RNF121: variants seen among roughly 807,000 people sequenced by gnomAD.
The protein encoded by RNF121 is E3 ubiquitin ligase RNF121.
RNF121 carries 21 observed loss-of-function variants against 46.5 expected under a neutral mutation model. The observed-to-expected ratio is 0.45, with a 90% CI of 0.32 to 0.65. The LOEUF is 0.65. Ranked by LOEUF, RNF121 falls within the 30% of genes least tolerant of loss-of-function variation. RNF121 has a pLI of 0.04. For synonymous variants in RNF121, 139 were observed against 144.7 expected, an observed-to-expected ratio of 0.96 and a Z score of 0.28; for missense variants, 346 against 416.0, an observed-to-expected ratio of 0.83 and a Z score of 1.46.
intron 6 of RNF121, among the ~76,000 whole-genome samples, chr11:71,992,236 A>G (rs1011941445): frequency 6.6e-6 from 1 of 152,182 alleles, no homozygotes; most frequent in East Asian, 1.9e-4. Context: ...GCTCCTTACA[A>G]TTTTTACTTT....
intron 4 of RNF121, chr11:71,983,638 AG>A (rs1954707987): frequency 6.6e-6 from 1 of 152,256 alleles, no homozygotes; most frequent in African/African-American, 2.4e-5. Context: ...CATTCAAATA[AG>A]CACCTACTGT....
At chr11:71,935,804 G>A (rs2134145172) in intron 1 of RNF121, among the ~76,000 whole-genome samples, 1 of 150,358 alleles carries the variant, frequency 6.7e-6, no homozygotes, top group South Asian at 2.1e-4. Context: ...GTAAATACTA[G>A]TGAATGACTG....
At chr11:71,950,155 C>G (rs966832398) in intron 1 of RNF121, among the ~76,000 whole-genome samples, 1 of 152,188 alleles carries the variant, frequency 6.6e-6, no homozygotes, top group African/African-American at 2.4e-5. Context: ...CTAGGTTGCT[C>G]AGCCAAAGAG....
At chr11:71,980,759 A>G (rs539801067) in intron 3 of RNF121, among the ~76,000 whole-genome samples, 130 of 152,368 alleles carry the variant, frequency 8.5e-4, no homozygotes, top group Non-Finnish European at 1.3e-3. Flanking sequence ...CATCAGTCCC[A>G]TGTGGCTGCT....
chr11:71,966,888 G>A (rs531680679), intron 3 of RNF121, among the ~76,000 whole-genome samples: 3 of 145,890 alleles, frequency 2.1e-5, no homozygotes, highest in South Asian at 2.2e-4. Context: ...TTTTTGAGAC[G>A]GAATCTCACT....
chr11:71,952,914 T>C (rs1953917308), intron 1 of RNF121, among the ~76,000 whole-genome samples: 2 of 152,248 alleles, frequency 1.3e-5, no homozygotes, highest in Non-Finnish European at 1.5e-5. Context: ...ATTTGAAAAT[T>C]CACTCTCAGC....
intron 1 of RNF121, among the ~76,000 whole-genome samples, chr11:71,934,242 T>A (rs1377823635): frequency 6.6e-6 from 1 of 152,266 alleles, no homozygotes; most frequent in Non-Finnish European, 1.5e-5. Context: ...TGCCAGGCAC[T>A]TTGGTGTGCC....
intron 3 of RNF121, among the ~76,000 whole-genome samples, 173 bp downstream of exon 3, chr11:71,961,064 T>C (rs1161447882): frequency 1.3e-5 from 2 of 152,178 alleles, no homozygotes; most frequent in African/African-American, 4.8e-5. Flanking sequence ...AAGGGTCAGG[T>C]GATTCAGAGG....
rs200780950 is a variant in RNF121, at chr11:71,978,558, A to G, written c.244-4203A>G. ...CTCCTTTGTATGTGTGACTTAATGC[A>G]TTTTTAATCATGCAAAAGCCATAAT... is the stretch of plus-strand genomic sequence containing the variant. On this transcript the variant is annotated intron_variant, in intron 3 of 8. Transcript: ENST00000361756. 5.3e-5 allele frequency among the ~76,000 whole-genome samples: 8 copies of G among 152,326 alleles called. No individual in the cohort carries two copies. In the East Asian group the frequency reaches 1.3e-3, roughly 26 times the overall value.
At chr11:71,957,116 A>G in intron 1 of RNF121, 111 bp from the exon 2 acceptor site, 1 of 800,748 alleles carries the variant, frequency 1.2e-6, no homozygotes, top group Non-Finnish European at 2.3e-6. Flanking sequence ...AGATACTAAG[A>G]CTTGAAGCTT....
intron 1 of RNF121, among the ~76,000 whole-genome samples, chr11:71,945,379 C>T (rs1057390990): frequency 2.6e-5 from 4 of 152,142 alleles, no homozygotes; most frequent in Admixed American, 6.5e-5. Context: ...ACTTAGTAGC[C>T]GTTGGCTGTA....
At chr11:71,987,443 G>C (rs559627650) in intron 5 of RNF121, among the ~76,000 whole-genome samples, 2 of 152,064 alleles carry the variant, frequency 1.3e-5, no homozygotes, top group African/African-American at 4.8e-5. Flanking sequence ...TGTTTTTCTC[G>C]TCAGTGTGTA....
At chr11:71,971,258 C>T (rs1954414750) in intron 3 of RNF121, among the ~76,000 whole-genome samples, 2 of 152,040 alleles carry the variant, frequency 1.3e-5, no homozygotes, top group Non-Finnish European at 2.9e-5. Flanking sequence ...ATGGTGCATG[C>T]CTGTAGTCCC....
At chr11:71,978,414 T>G (rs780997113) in intron 3 of RNF121, among the ~76,000 whole-genome samples, 2 of 152,136 alleles carry the variant, frequency 1.3e-5, no homozygotes, top group Non-Finnish European at 2.9e-5. Flanking sequence ...AATCCTTGGT[T>G]TGTGTCTTCT....
chr11:71,962,936 G>A (rs1441908400), intron 3 of RNF121, among the ~76,000 whole-genome samples: 2 of 152,066 alleles, frequency 1.3e-5, no homozygotes, highest in Admixed American at 1.3e-4. Flanking sequence ...TCATTGTGGT[G>A]TTGATTTGTA....
At chr11:71,980,297 C>G (rs769946355) in intron 3 of RNF121, among the ~76,000 whole-genome samples, 1 of 152,184 alleles carries the variant, frequency 6.6e-6, no homozygotes, top group Non-Finnish European at 1.5e-5. Flanking sequence ...TTACCCTTTT[C>G]TCTGTTCTGT....
chr11:71,971,987 A>C (rs541101109), intron 3 of RNF121, among the ~76,000 whole-genome samples: 1 of 152,198 alleles, frequency 6.6e-6, no homozygotes, highest in Non-Finnish European at 1.5e-5. Context: ...CTGGATATCT[A>C]TCTCTGAGGG....
At chr11:71,966,337 C>T (rs139860641) in intron 3 of RNF121, among the ~76,000 whole-genome samples, 5 of 152,190 alleles carry the variant, frequency 3.3e-5, no homozygotes, top group East Asian at 3.9e-4. Flanking sequence ...CCATTTTTAT[C>T]GAAGTAATAC....
intron 3 of RNF121, among the ~76,000 whole-genome samples, chr11:71,976,899 TA>T (rs889301613): frequency 3.3e-5 from 5 of 152,194 alleles, no homozygotes; most frequent in African/African-American, 9.7e-5. Flanking sequence ...ACCCTAGAAA[TA>T]AACTTTTTTC....
Sources: gnomAD v4.1 joint callset for allele counts (sites outside exome capture counted in the v4.1 genomes callset) on GRCh38, gnomAD v4.1.1 for gene constraint, MANE v1.5 for transcripts, NCBI Gene and HGNC (gene_info 2026-07-23, HGNC 2026-07-21) for gene names.